The following GEMIN8 variants were observed in gnomAD, a reference collection of about 807,000 sequenced individuals.
GEMIN8 encodes the protein gem nuclear organelle associated protein 8, also known as gem-associated protein 8.
For missense variants in GEMIN8, 185 were observed against 205.9 expected, an observed-to-expected ratio of 0.90 and a Z score of 0.62; for synonymous variants, 80 against 78.5, an observed-to-expected ratio of 1.02 and a Z score of -0.10.
At chrX:13,987,002 T>G in the GEMIN8 span, among the ~76,000 whole-genome samples, 3 of 112,616 alleles carry the variant, frequency 2.7e-5, no homozygotes, top group Admixed American at 2.8e-4. Flanking sequence ...TATCTTGCCT[T>G]TATGTCTTAT....
rs181754045 is a variant in GEMIN8 at position 14,007,567 on chromosome X, A to G, written c.*1346T>C. On this transcript the variant is annotated 3_prime_UTR_variant, in exon 5 of 5. Coordinates refer to ENST00000680255, the MANE Select transcript of GEMIN8 (RefSeq NM_001042479.2). Reference sequence around the variant, plus strand: ...CTTTTTTTTTTTTCTTTTGAGATGGAGTCTCACTCTGTTGCCCAGGCTGGA... The same window carrying G: ...CTTTTTTTTTTTTCTTTTGAGATGGGGTCTCACTCTGTTGCCCAGGCTGGA... Among the ~76,000 whole-genome samples the G allele has an allele frequency of 3.3e-3, 354 of 108,079 alleles. 1 individual carries two copies. The highest frequency in any genetic ancestry group is 5.0e-3 in the Non-Finnish European group (260 of 52,124). The allele number at this position is 108,079 out of a possible 115,157, so 93.9% of individuals were successfully genotyped here.
At chrX:14,003,759 T>C (rs1036240543), downstream of GEMIN8, among the ~76,000 whole-genome samples, 3 of 112,469 alleles carry the variant, frequency 2.7e-5, no homozygotes, top group South Asian at 7.4e-4. Flanking sequence ...CTGTAATAGC[T>C]ACCTCATAGG....
chrX:13,988,388 G>A, the GEMIN8 span, among the ~76,000 whole-genome samples: 1 of 110,278 alleles, frequency 9.1e-6, no homozygotes, highest in South Asian at 4.0e-4. Flanking sequence ...TCCTGAGCAT[G>A]AGGCTTTCGG....
At chrX:14,022,181 G>A (rs1450085887) in intron 2 of GEMIN8, among the ~76,000 whole-genome samples, 1 of 107,869 alleles carries the variant, frequency 9.3e-6, no homozygotes, top group African/African-American at 3.4e-5. Flanking sequence ...TTAACCCTGG[G>A]TCTTCCTGAG....
At chrX:14,011,516 CTTTTTTTTTTTTT>C (rs575651297) in intron 4 of GEMIN8, among the ~76,000 whole-genome samples, 916 of 60,395 alleles carry the variant, frequency 0.015, 22 homozygotes, top group African/African-American at 0.056. Flanking sequence ...CTATGGCTCT[CTTTTTTTTTTTTT>C]TTTTTTTTTT....
At chrX:14,009,998 G>A (rs1010549184) in intron 4 of GEMIN8, among the ~76,000 whole-genome samples, 4 of 112,107 alleles carry the variant, frequency 3.6e-5, no homozygotes, top group Non-Finnish European at 5.6e-5. Flanking sequence ...CTTGCTGAAG[G>A]AAGAAGGGTG....
At chrX:14,014,069 T>C (rs1923745494) in intron 4 of GEMIN8, 5 of 747,367 alleles carry the variant, frequency 6.7e-6, no homozygotes, top group South Asian at 6.9e-5. Flanking sequence ...GAGAATCTTA[T>C]ATAGCAGGAA....
chrX:14,024,237 G>A (rs1485388390), intron 2 of GEMIN8, among the ~76,000 whole-genome samples: 2 of 112,355 alleles, frequency 1.8e-5, no homozygotes, highest in East Asian at 5.6e-4. Context: ...TGTGGCTCAC[G>A]CCTATAATCC....
intron 4 of GEMIN8, among the ~76,000 whole-genome samples, chrX:14,010,829 A>T (rs183434460): frequency 7.6e-4 from 85 of 112,492 alleles, no homozygotes; most frequent in Non-Finnish European, 5.6e-5. Flanking sequence ...GGCAATGCAG[A>T]ATGAAACCAA....
At chrX:14,024,236 C>CGCCTATA (rs1044475076) in intron 2 of GEMIN8, among the ~76,000 whole-genome samples, 4 of 112,224 alleles carry the variant, frequency 3.6e-5, no homozygotes, top group African/African-American at 1.3e-4. Context: ...CTGTGGCTCA[C>CGCCTATA]GCCTATAATC....
intron 2 of GEMIN8, 127 bp from the exon 3 acceptor site, chrX:14,021,638 C>A: frequency 2.1e-6 from 1 of 467,275 alleles, no homozygotes; most frequent in Admixed American, 3.6e-5. Flanking sequence ...TGATTTCATG[C>A]AACCTATCTA....
At chrX:14,009,639 A>G (rs1481831897) in intron 4 of GEMIN8, among the ~76,000 whole-genome samples, 1 of 112,149 alleles carries the variant, frequency 8.9e-6, no homozygotes, top group Non-Finnish European at 1.9e-5. Context: ...AAACACAGGA[A>G]AGAAATGAAC....
Position 14,009,111 on chromosome X carries a change from G to A in GEMIN8, c.531C>T (p.Asp177=). ...CCGACCGGCGGGTGTTGCAGTACAG[G>A]TCGTGGTCAGCGTTCACATAGCTGT... ...RLDSYVNADH[D]LYCNTRRSVE... Residue 177 remains aspartate (D), a synonymous_variant, in exon 5 of 5, where the codon GAC becomes GAT. Transcript: ENST00000680255. The A allele has an allele frequency of 8.3e-7, 1 of 1,211,052 alleles. No individual in the cohort carries two copies. Among genetic ancestry groups the A allele is most frequent in the Non-Finnish European group, 1.1e-6 (1 of 894,506 alleles).
In GEMIN8 at chrX:14,007,702, T is replaced by C. The variant is rs1369127901; in HGVS notation, c.*1211A>G. 9.1e-6 allele frequency among the ~76,000 whole-genome samples: 1 copy of C among 110,029 alleles called. No individual in the cohort carries two copies. Among genetic ancestry groups the C allele is most frequent in the African/African-American group, 3.3e-5 (1 of 30,150 alleles). Reference sequence around the variant, plus strand: ...GCCACCACGCCCGGCTAATTTTTTGTATTTTTAGTAGAGATGGGGTTTCAC... The same window carrying C: ...GCCACCACGCCCGGCTAATTTTTTGCATTTTTAGTAGAGATGGGGTTTCAC... On this transcript the variant is annotated 3_prime_UTR_variant, in exon 5 of 5. Transcript: ENST00000680255.
chrX:14,014,246 T>C, intron 4 of GEMIN8: 1 of 752,989 alleles, frequency 1.3e-6, no homozygotes, highest in Non-Finnish European at 1.6e-6. Flanking sequence ...TGAATAATTG[T>C]AGCACAACCG....
At position 14,014,398 on chromosome X, in the gene GEMIN8, G is replaced by A. The variant is rs1923772454; in HGVS notation, c.473-5229C>T. On this transcript the variant is annotated intron_variant, in intron 4 of 4. Transcript: ENST00000680255. ...CTTCGTCGCACATCCCTTGCCCCAT[G>A]ACAAATGTAATCCTGAAGTTACTGG... is the stretch of plus-strand genomic sequence containing the variant. 4.0e-6 allele frequency: 3 copies of A among 750,671 alleles called. No individual in the cohort carries two copies. The African/African-American group carries it at 7.0e-5, about 18-fold the overall frequency. The allele number at this position is 750,671 out of a possible 1,213,427, so 61.9% of individuals were successfully genotyped here. A position where few individuals can be genotyped will look rare whatever the true frequency, so the allele number is the denominator to read the frequency against.
chrX:14,028,084 A>C (rs1924787729), intron 1 of GEMIN8, among the ~76,000 whole-genome samples: 1 of 112,177 alleles, frequency 8.9e-6, no homozygotes, highest in African/African-American at 3.2e-5. Flanking sequence ...TTTTTCTATA[A>C]ACATATTCAC....
chrX:13,992,883 C>T, the GEMIN8 span, among the ~76,000 whole-genome samples: 2,046 of 111,128 alleles, frequency 0.018, 24 homozygotes, highest in Non-Finnish European at 0.027. Context: ...TGGAACTAAT[C>T]CAGGTGAGAG....
At chrX:14,000,609 AT>A in the GEMIN8 span, among the ~76,000 whole-genome samples, 1 of 107,573 alleles carries the variant, frequency 9.3e-6, no homozygotes, top group South Asian at 4.1e-4. Context: ...AAAAAAAAAA[AT>A]TTAAAAAAGA....
Sources: gnomAD v4.1 joint callset for allele counts (sites outside exome capture counted in the v4.1 genomes callset) on GRCh38, gnomAD v4.1.1 for gene constraint, MANE v1.5 for transcripts, NCBI Gene and HGNC (gene_info 2026-07-23, HGNC 2026-07-21) for gene names.